Variants in DPP10 observed in about 807,000 individuals in gnomAD.
DPP10 encodes inactive dipeptidyl peptidase 10.
DPP10 carries 33 observed loss-of-function variants against 120.9 expected under a neutral mutation model. That is an observed-to-expected ratio of 0.27 (90% CI 0.21 to 0.37). DPP10 has a LOEUF of 0.37. DPP10 is among the 10% of genes least tolerant of loss of function. The pLI, the probability that DPP10 is intolerant of heterozygous loss-of-function variation, is 1.00. For synonymous variants in DPP10, 337 were observed against 326.1 expected, an observed-to-expected ratio of 1.03 and a Z score of -0.36; for missense variants, 816 against 942.8, an observed-to-expected ratio of 0.87 and a Z score of 1.76.
chr2:115,227,600 G>C (rs1316374945), intron 1 of DPP10, among the ~76,000 whole-genome samples: 3 of 152,144 alleles, frequency 2.0e-5, no homozygotes, highest in Non-Finnish European at 4.4e-5. Flanking sequence ...TCTTTGGTAG[G>C]CGCCAATATG....
At chr2:114,501,123 A>G (rs568390937) in intron 1 of DPP10, among the ~76,000 whole-genome samples, 3 of 152,334 alleles carry the variant, frequency 2.0e-5, no homozygotes, top group Admixed American at 1.3e-4. Context: ...TAAAAAGTGC[A>G]TGGTTCCCAG....
chr2:115,314,471 A>G (rs2061703471), intron 2 of DPP10, among the ~76,000 whole-genome samples: 1 of 152,144 alleles, frequency 6.6e-6, no homozygotes, highest in African/African-American at 2.4e-5. Context: ...CCTTTAGTAC[A>G]CTTTTTAGGT....
intron 1 of DPP10, among the ~76,000 whole-genome samples, chr2:114,797,977 T>A (rs12470655): frequency 0.067 from 10,203 of 152,288 alleles, 384 homozygotes; most frequent in South Asian, 0.1. Flanking sequence ...GGGCTCCTTG[T>A]CATTCTGTGA....
At chr2:114,813,882 A>G (rs1685393003) in intron 1 of DPP10, among the ~76,000 whole-genome samples, 1 of 149,892 alleles carries the variant, frequency 6.7e-6, no homozygotes, top group Non-Finnish European at 1.5e-5. Context: ...AGCTGGGAGG[A>G]GGAAATCATG....
chr2:115,738,105 C>T (rs1676803865), intron 8 of DPP10, among the ~76,000 whole-genome samples: 1 of 152,130 alleles, frequency 6.6e-6, no homozygotes, highest in African/African-American at 2.4e-5. Flanking sequence ...TCCAAACATT[C>T]TTATCCTGTG....
At chr2:115,461,974 C>A (rs2074013529) in intron 3 of DPP10, among the ~76,000 whole-genome samples, 2 of 152,026 alleles carry the variant, frequency 1.3e-5, no homozygotes. Flanking sequence ...GTCTTTTATT[C>A]CATTAAAACT....
chr2:115,569,564 G>A (rs2081220665), intron 5 of DPP10, among the ~76,000 whole-genome samples: 1 of 152,194 alleles, frequency 6.6e-6, no homozygotes, highest in African/African-American at 2.4e-5. Flanking sequence ...TCCTTAGATT[G>A]TATCTACGCA....
intron 3 of DPP10, among the ~76,000 whole-genome samples, chr2:115,478,342 T>C (rs1574964291): frequency 6.6e-6 from 1 of 152,156 alleles, no homozygotes; most frequent in Non-Finnish European, 1.5e-5. Context: ...ATTGGGAAAA[T>C]TGTTTATCTA....
intron 1 of DPP10, among the ~76,000 whole-genome samples, chr2:114,902,656 C>A (rs1693674135): frequency 1.3e-5 from 2 of 152,230 alleles, no homozygotes; most frequent in South Asian, 4.1e-4. Context: ...TTTTTTAGTG[C>A]AACTTTGTGT....
intron 3 of DPP10, among the ~76,000 whole-genome samples, chr2:115,492,806 A>T (rs892785471): frequency 5.9e-5 from 9 of 152,090 alleles, no homozygotes; most frequent in South Asian, 2.1e-4. Context: ...AAAATGGAAT[A>T]AAAAAACTCA....
chr2:115,441,254 G>A (rs2072019525), intron 3 of DPP10, among the ~76,000 whole-genome samples: 3 of 152,162 alleles, frequency 2.0e-5, no homozygotes, highest in Admixed American at 2.0e-4. Context: ...AGAGCCAAAG[G>A]TGAGTTGAAT....
intron 2 of DPP10, among the ~76,000 whole-genome samples, chr2:115,337,016 G>C (rs1039933961): frequency 1.3e-5 from 2 of 151,900 alleles, no homozygotes; most frequent in East Asian, 3.9e-4. Context: ...GCTAAATTAC[G>C]TTGCAATGTG....
At chr2:114,641,376 G>C (rs890642763) in intron 1 of DPP10, among the ~76,000 whole-genome samples, 1 of 151,848 alleles carries the variant, frequency 6.6e-6, no homozygotes. Flanking sequence ...TAGAGGCAAT[G>C]ATGAGTTCTT....
chr2:114,494,831 G>T (rs982201754), intron 1 of DPP10, among the ~76,000 whole-genome samples: 4 of 152,108 alleles, frequency 2.6e-5, no homozygotes, highest in Non-Finnish European at 4.4e-5. Flanking sequence ...TACTCCAAAA[G>T]GTTTGGTATT....
intron 1 of DPP10, among the ~76,000 whole-genome samples, chr2:114,872,831 C>T (rs1690800084): frequency 6.6e-6 from 1 of 152,074 alleles, no homozygotes; most frequent in Non-Finnish European, 1.5e-5. Flanking sequence ...CTAAGACTGC[C>T]AACAAAAAGA....
intron 1 of DPP10, among the ~76,000 whole-genome samples, chr2:115,240,747 C>T (rs1304397809): frequency 1.3e-5 from 2 of 152,134 alleles, no homozygotes; most frequent in South Asian, 4.1e-4. Flanking sequence ...TCAAAGTATG[C>T]CCATACTAAG....
At chr2:115,388,628 G>A (rs1230075050) in intron 3 of DPP10, among the ~76,000 whole-genome samples, 1 of 152,140 alleles carries the variant, frequency 6.6e-6, no homozygotes, top group East Asian at 1.9e-4. Context: ...GAGTGAACTT[G>A]TATCACAACA....
chr2:114,614,318 A>G (rs1693518282), intron 1 of DPP10, among the ~76,000 whole-genome samples: 1 of 152,094 alleles, frequency 6.6e-6, no homozygotes, highest in African/African-American at 2.4e-5. Flanking sequence ...CAAACTTGCA[A>G]AGTCCCTCTA....
At chr2:114,740,490 T>A (rs942852480) in intron 1 of DPP10, among the ~76,000 whole-genome samples, 1 of 146,522 alleles carries the variant, frequency 6.8e-6, no homozygotes, top group Non-Finnish European at 1.5e-5. Flanking sequence ...ACATGTACCC[T>A]AAAACTTAAA....
Sources: gnomAD v4.1 joint callset for allele counts (sites outside exome capture counted in the v4.1 genomes callset) on GRCh38, gnomAD v4.1.1 for gene constraint, MANE v1.5 for transcripts, NCBI Gene and HGNC (gene_info 2026-07-23, HGNC 2026-07-21) for gene names.